Variants in BMP2K observed in about 807,000 individuals in gnomAD.
BMP2K encodes the protein BMP-2-inducible protein kinase.
In BMP2K, 74 loss-of-function variants were observed where a neutral mutation model predicts 116.0. The ratio of observed to expected loss-of-function variants is 0.64; its 90% CI spans 0.53 to 0.77. The LOEUF (loss-of-function observed/expected upper bound fraction) is 0.77. Among genes scored for constraint, BMP2K ranks in the 30% least tolerant of loss-of-function variants. The probability of loss-of-function intolerance (pLI) is 0.00; values close to 1 mark genes in which losing one functional copy is unlikely to be tolerated. For synonymous variants in BMP2K, 486 were observed against 502.5 expected, an observed-to-expected ratio of 0.97 and a Z score of 0.44; for missense variants, 1,365 against 1,403.6, an observed-to-expected ratio of 0.97 and a Z score of 0.44.
chr4:78,893,150 T>G (rs1481891881), intron 15 of BMP2K, among the ~76,000 whole-genome samples: 1 of 152,246 alleles, frequency 6.6e-6, no homozygotes, highest in Non-Finnish European at 1.5e-5. Flanking sequence ...ATATTCTAAA[T>G]TCTTGGAGTC....
At chr4:78,909,345 T>G (rs1734456996) in intron 15 of BMP2K, among the ~76,000 whole-genome samples, 1 of 133,254 alleles carries the variant, frequency 7.5e-6, no homozygotes, top group African/African-American at 2.8e-5. Context: ...CCCCTTAGTG[T>G]TTTTCTATAG....
intron 1 of BMP2K, among the ~76,000 whole-genome samples, chr4:78,795,048 T>C (rs1728186434): frequency 6.6e-6 from 1 of 152,224 alleles, no homozygotes; most frequent in Non-Finnish European, 1.5e-5. Flanking sequence ...AAAGACTTCC[T>C]AAAACAATGA....
intron 2 of BMP2K, among the ~76,000 whole-genome samples, chr4:78,827,110 A>G (rs1020950608): frequency 6.6e-6 from 1 of 152,180 alleles, no homozygotes; most frequent in African/African-American, 2.4e-5. Context: ...TTCTACTTCT[A>G]TATCAAACTA....
chr4:78,906,355 T>TA (rs923943692), intron 15 of BMP2K, among the ~76,000 whole-genome samples: 16 of 152,134 alleles, frequency 1.1e-4, no homozygotes, highest in Admixed American at 9.2e-4. Context: ...ATTTTAGTTT[T>TA]ATGTAGGGGG....
intron 1 of BMP2K, among the ~76,000 whole-genome samples, chr4:78,800,965 T>A (rs1436432502): frequency 6.6e-6 from 1 of 152,254 alleles, no homozygotes; most frequent in African/African-American, 2.4e-5. Context: ...AAAGATTTTC[T>A]GTTCACCCTA....
At chr4:78,840,859 G>GT (rs1285250673) in intron 3 of BMP2K, among the ~76,000 whole-genome samples, 2 of 152,140 alleles carry the variant, frequency 1.3e-5, no homozygotes, top group African/African-American at 4.8e-5. Context: ...TTTGGAAGAG[G>GT]TGGATTGAGT....
intron 15 of BMP2K, among the ~76,000 whole-genome samples, chr4:78,908,695 C>T (rs1734408927): frequency 6.6e-6 from 1 of 152,122 alleles, no homozygotes; most frequent in Non-Finnish European, 1.5e-5. Context: ...CTTAATGTCT[C>T]CAAACAAAAT....
intron 14 of BMP2K, among the ~76,000 whole-genome samples, chr4:78,881,427 A>T (rs1416770839): frequency 6.6e-6 from 1 of 151,994 alleles, no homozygotes; most frequent in Non-Finnish European, 1.5e-5. Flanking sequence ...AATAATTGAT[A>T]CTCATTGTTC....
intron 2 of BMP2K, among the ~76,000 whole-genome samples, chr4:78,830,724 C>A (rs569030757): frequency 3.3e-5 from 5 of 152,338 alleles, no homozygotes; most frequent in African/African-American, 1.2e-4. Context: ...CATGAACCAA[C>A]CTCTGCTAGC....
In BMP2K at chr4:78,859,690, A is replaced by G; in HGVS notation, c.987+3A>G. 1 of 1,549,870 alleles carries G rather than the reference A, an allele frequency of 6.5e-7. No individual in the cohort carries two copies. Among genetic ancestry groups the G allele is most frequent in the Non-Finnish European group, 8.9e-7 (1 of 1,126,894 alleles). On this transcript the variant is annotated splice_donor_region_variant and intron_variant, in intron 8 of 15. Transcript: ENST00000502613. ...ATTGTCCAGTCTCCAACATCAATGTAAGTAGATTTTCAAGTAGGATATGAA... is the reference window on the plus strand; with the variant it reads ...ATTGTCCAGTCTCCAACATCAATGTGAGTAGATTTTCAAGTAGGATATGAA...
chr4:78,833,539 T>C (rs1196128000), intron 2 of BMP2K, 43 bp from the exon 3 acceptor site: 13 of 1,325,056 alleles, frequency 9.8e-6, no homozygotes, highest in Non-Finnish European at 1.3e-5. Context: ...TCTATACCTT[T>C]AAATGTACAT....
chr4:78,832,352 A>G (rs1466796606), intron 2 of BMP2K, among the ~76,000 whole-genome samples: 7 of 152,160 alleles, frequency 4.6e-5, no homozygotes, highest in African/African-American at 1.2e-4. Context: ...GTACTTATCC[A>G]CCTGCTAAGA....
chr4:78,793,241 C>G (rs1390932953), intron 1 of BMP2K, among the ~76,000 whole-genome samples: 1 of 151,868 alleles, frequency 6.6e-6, no homozygotes. Flanking sequence ...GAAACCTTGT[C>G]TCTACTAAAA....
At chr4:78,872,086 T>C (rs1389200572) in intron 12 of BMP2K, 138 bp downstream of exon 12, 3 of 665,310 alleles carry the variant, frequency 4.5e-6, no homozygotes, top group African/African-American at 3.7e-5. Flanking sequence ...AAGCCAGTCA[T>C]ATATTCTCAA....
chr4:78,816,078 T>C (rs1729334943), intron 1 of BMP2K, among the ~76,000 whole-genome samples: 1 of 152,208 alleles, frequency 6.6e-6, no homozygotes, highest in Non-Finnish European at 1.5e-5. Context: ...TTTCTAGTTA[T>C]CTTGTATAGC....
intron 1 of BMP2K, among the ~76,000 whole-genome samples, chr4:78,816,364 T>C (rs891328631): frequency 6.6e-6 from 1 of 152,178 alleles, no homozygotes; most frequent in Non-Finnish European, 1.5e-5. Flanking sequence ...GAATATCCTG[T>C]TTATTAACCT....
intron 3 of BMP2K, among the ~76,000 whole-genome samples, chr4:78,837,192 CTT>C (rs1470574859): frequency 4.0e-5 from 6 of 151,350 alleles, no homozygotes; most frequent in African/African-American, 9.7e-5. Flanking sequence ...TCCAAGGACT[CTT>C]TTCTTTTTTT....
At chr4:78,880,145 T>G (rs555551746) in intron 14 of BMP2K, among the ~76,000 whole-genome samples, 82 of 152,362 alleles carry the variant, frequency 5.4e-4, no homozygotes, top group Non-Finnish European at 6.6e-4. Context: ...CAATCTCGGC[T>G]CACCGCAACC....
At chr4:78,857,566 C>T (rs1731561291) in intron 7 of BMP2K, among the ~76,000 whole-genome samples, 1 of 152,070 alleles carries the variant, frequency 6.6e-6, no homozygotes, top group African/African-American at 2.4e-5. Context: ...TCTCTGAATA[C>T]TTAAAAAGTT....
Sources: gnomAD v4.1 joint callset for allele counts (sites outside exome capture counted in the v4.1 genomes callset) on GRCh38, gnomAD v4.1.1 for gene constraint, MANE v1.5 for transcripts, NCBI Gene and HGNC (gene_info 2026-07-23, HGNC 2026-07-21) for gene names.